SLC2A9: variants seen among roughly 807,000 people sequenced by gnomAD.
SLC2A9 encodes solute carrier family 2, facilitated glucose transporter member 9.
A neutral mutation model predicts 50.6 loss-of-function variants in SLC2A9; 39 were observed. That is an observed-to-expected ratio of 0.77 (90% CI 0.60 to 1.01). The LOEUF (loss-of-function observed/expected upper bound fraction) is 1.01. Among genes scored for constraint, SLC2A9 ranks in the 50% least tolerant of loss-of-function variants. SLC2A9 has a pLI of 0.00. For missense variants in SLC2A9, 686 were observed against 677.6 expected (o/e 1.01, Z -0.14); for synonymous variants, 324 against 276.9 (o/e 1.17, Z -1.69).
At chr4:9,942,068 T>A in intron 5 of SLC2A9, 23 bp from the exon 6 acceptor site, 7 of 1,613,738 alleles carry the variant, frequency 4.3e-6, no homozygotes, top group Non-Finnish European at 5.9e-6. Context: ...GAGATGCTGC[T>A]GAGTGCAGTG....
chr4:9,905,378 T>C (rs1346058274), intron 8 of SLC2A9, among the ~76,000 whole-genome samples: 1 of 152,246 alleles, frequency 6.6e-6, no homozygotes, highest in Non-Finnish European at 1.5e-5. Flanking sequence ...GCCAACAGCC[T>C]GACCATGGGA....
At chr4:9,991,606 C>T (rs1757728708) in intron 3 of SLC2A9, among the ~76,000 whole-genome samples, 2 of 151,966 alleles carry the variant, frequency 1.3e-5, no homozygotes, top group Admixed American at 1.3e-4. Flanking sequence ...CTGTTAAAGC[C>T]CTAACCCCTA....
intron 3 of SLC2A9, chr4:9,782,507 A>G: frequency 3.7e-6 from 6 of 1,613,986 alleles, no homozygotes; most frequent in Non-Finnish European, 4.2e-6. Flanking sequence ...GGCCTTGGTC[A>G]TGGTCGGCCT....
chr4:9,874,500 C>G (rs988813890), intron 10 of SLC2A9, among the ~76,000 whole-genome samples: 1 of 152,156 alleles, frequency 6.6e-6, no homozygotes, highest in South Asian at 2.1e-4. Context: ...GTTTTGGAAC[C>G]GCGCAGAGGA....
chr4:9,929,060 C>A (rs2110149140), intron 6 of SLC2A9, among the ~76,000 whole-genome samples: 1 of 152,312 alleles, frequency 6.6e-6, no homozygotes, highest in South Asian at 2.1e-4. Context: ...CTGTTTGGAG[C>A]TACATCGTTT....
intron 6 of SLC2A9, among the ~76,000 whole-genome samples, chr4:9,931,985 T>TATATATATATACAC (rs1553879028): frequency 1.4e-4 from 13 of 95,678 alleles, no homozygotes; most frequent in African/African-American, 2.7e-4. Flanking sequence ...TATATATATA[T>TATATATATATACAC]ATATATATAT....
At chr4:9,819,153 T>C (rs1016548941) in intron 3 of SLC2A9, among the ~76,000 whole-genome samples, 6 of 150,444 alleles carry the variant, frequency 4.0e-5, no homozygotes, top group Non-Finnish European at 8.8e-5. Flanking sequence ...ATACAGGTCT[T>C]GATGGGTACA....
intron 10 of SLC2A9, among the ~76,000 whole-genome samples, chr4:9,840,906 T>C (rs1577475746): frequency 1.2e-5 from 1 of 84,026 alleles, no homozygotes; most frequent in East Asian, 2.7e-4. Context: ...CGTCTTACCA[T>C]ATCAAAAGAG....
chr4:9,850,315 C>A (rs760745224), intron 10 of SLC2A9, among the ~76,000 whole-genome samples: 17 of 152,162 alleles, frequency 1.1e-4, no homozygotes, highest in African/African-American at 3.4e-4. Context: ...AGGACTCCAG[C>A]CTGTGTGTTG....
At chr4:9,980,979 GTGA>G (rs922696358) in intron 4 of SLC2A9, among the ~76,000 whole-genome samples, 8 of 152,160 alleles carry the variant, frequency 5.3e-5, no homozygotes, top group African/African-American at 1.7e-4. Flanking sequence ...GTTGGTGGAG[GTGA>G]TGGTATTGAT....
intron 10 of SLC2A9, among the ~76,000 whole-genome samples, chr4:9,877,540 C>T (rs1430332893): frequency 6.6e-6 from 1 of 152,210 alleles, no homozygotes; most frequent in East Asian, 1.9e-4. Flanking sequence ...AGGCATTTGA[C>T]ACACATGGGT....
intron 2 of SLC2A9, 54 bp downstream of exon 2, chr4:10,018,921 C>T (rs1192863711): frequency 4.6e-6 from 7 of 1,527,300 alleles, no homozygotes; most frequent in Admixed American, 2.0e-5. Flanking sequence ...CTTGCGCACC[C>T]GAAGGTTTCC....
intron 11 of SLC2A9, among the ~76,000 whole-genome samples, chr4:9,829,138 T>A (rs1725613358): frequency 1.3e-5 from 2 of 152,162 alleles, no homozygotes; most frequent in Non-Finnish European, 2.9e-5. Flanking sequence ...GCACAGTAGC[T>A]CACACCTGTA....
intron 6 of SLC2A9, among the ~76,000 whole-genome samples, chr4:9,934,272 C>T (rs896621956): frequency 1.3e-5 from 2 of 152,196 alleles, no homozygotes; most frequent in Non-Finnish European, 2.9e-5. Flanking sequence ...TACCACTCCA[C>T]CTGGGTAAGC....
At chr4:9,831,470 C>A (rs1726130189) in intron 11 of SLC2A9, among the ~76,000 whole-genome samples, 1 of 152,150 alleles carries the variant, frequency 6.6e-6, no homozygotes. Context: ...GTTTAGAGGG[C>A]AGGTGTATAA....
intron 10 of SLC2A9, among the ~76,000 whole-genome samples, chr4:9,854,215 G>C (rs1005214965): frequency 2.6e-5 from 4 of 151,874 alleles, no homozygotes; most frequent in Non-Finnish European, 4.4e-5. Flanking sequence ...TTTTTTTAAA[G>C]AATAAATAAG....
intron 10 of SLC2A9, among the ~76,000 whole-genome samples, chr4:9,883,515 A>C (rs778981006): frequency 1.2e-4 from 18 of 152,228 alleles, no homozygotes; most frequent in Non-Finnish European, 1.9e-4. Flanking sequence ...CATCTTGCAC[A>C]GTAGGGGTGA....
chr4:9,977,218 G>T (rs75687260), intron 5 of SLC2A9, among the ~76,000 whole-genome samples: 1 of 152,174 alleles, frequency 6.6e-6, no homozygotes, highest in African/African-American at 2.4e-5. Context: ...CAGTTACACA[G>T]TCCCCATCAA....
At chr4:9,772,875 A>T (rs541616509) in intron 1 of SLC2A9, among the ~76,000 whole-genome samples, 114 of 150,538 alleles carry the variant, frequency 7.6e-4, no homozygotes, top group Non-Finnish European at 1.4e-3. Flanking sequence ...CACATTGTGC[A>T]GGTTAGTTAC....
Sources: allele counts gnomAD v4.1 joint callset (sites outside exome capture counted in the v4.1 genomes callset), GRCh38; gene constraint gnomAD v4.1.1; transcripts MANE v1.5; gene names NCBI Gene and HGNC (gene_info 2026-07-23, HGNC 2026-07-21).